Variants in PTPRG observed in about 807,000 individuals in gnomAD.
PTPRG encodes the protein receptor-type tyrosine-protein phosphatase gamma.
Under a neutral mutation model 165.3 loss-of-function variants are expected in PTPRG, and 102 were observed. That is an observed-to-expected ratio of 0.62 (90% CI 0.53 to 0.73). The LOEUF (loss-of-function observed/expected upper bound fraction) is 0.73. Ranked by LOEUF, PTPRG falls within the 30% of genes least tolerant of loss-of-function variation. The pLI is 0.00. For missense variants in PTPRG, 1,866 were observed against 1,861.4 expected (o/e 1.00, Z -0.05); for synonymous variants, 675 against 669.5 (o/e 1.01, Z -0.13).
chr3:61,597,295 T>A (rs1381091490), intron 1 of PTPRG, among the ~76,000 whole-genome samples: 1 of 152,156 alleles, frequency 6.6e-6, no homozygotes, highest in Non-Finnish European at 1.5e-5. Flanking sequence ...CCGCCCTCCA[T>A]ATCTGCTGAG....
At chr3:62,026,496 C>T (rs923102812) in intron 4 of PTPRG, among the ~76,000 whole-genome samples, 7 of 152,130 alleles carry the variant, frequency 4.6e-5, no homozygotes, top group Admixed American at 6.5e-5. Context: ...AACCCAGACA[C>T]GTGTGCCCAG....
intron 2 of PTPRG, among the ~76,000 whole-genome samples, chr3:61,789,049 T>G (rs2034794118): frequency 6.6e-6 from 1 of 152,168 alleles, no homozygotes; most frequent in African/African-American, 2.4e-5. Context: ...CAATCATTAC[T>G]GAGCGCTGGT....
chr3:61,945,560 CAAAAAAAAAAAAAA>C (rs71123242), intron 2 of PTPRG, among the ~76,000 whole-genome samples: 92 of 55,464 alleles, frequency 1.7e-3, no homozygotes, highest in Middle Eastern at 0.016. Context: ...ACTCCGTCAC[CAAAAAAAAAAAAAA>C]AAAAAAAAAA....
chr3:61,989,412 T>A (rs879544751), intron 2 of PTPRG, among the ~76,000 whole-genome samples: 1 of 152,246 alleles, frequency 6.6e-6, no homozygotes, highest in Non-Finnish European at 1.5e-5. Flanking sequence ...AAATGTTTGA[T>A]TGTAAATCAA....
chr3:61,933,406 C>T (rs1198150159), intron 2 of PTPRG, among the ~76,000 whole-genome samples: 1 of 152,086 alleles, frequency 6.6e-6, no homozygotes, highest in Non-Finnish European at 1.5e-5. Flanking sequence ...AATAACAAAC[C>T]ACTGTAAGAC....
chr3:61,728,091 C>T (rs995343094), intron 1 of PTPRG, among the ~76,000 whole-genome samples: 1 of 152,152 alleles, frequency 6.6e-6, no homozygotes, highest in Non-Finnish European at 1.5e-5. Flanking sequence ...GCATTTATGC[C>T]TCTCAAATTT....
intron 4 of PTPRG, among the ~76,000 whole-genome samples, chr3:62,051,156 C>T (rs1700457066): frequency 6.6e-6 from 1 of 152,170 alleles, no homozygotes; most frequent in Admixed American, 6.5e-5. Context: ...TGCCATTCTT[C>T]CCACTGGGAC....
intron 2 of PTPRG, among the ~76,000 whole-genome samples, chr3:61,932,180 A>G (rs1456317420): frequency 1.3e-5 from 2 of 152,328 alleles, no homozygotes; most frequent in East Asian, 1.9e-4. Flanking sequence ...TGTGGGACCA[A>G]CTAGCTCCTT....
At chr3:62,007,560 T>G (rs2041326444) in intron 4 of PTPRG, among the ~76,000 whole-genome samples, 1 of 152,238 alleles carries the variant, frequency 6.6e-6, no homozygotes, top group African/African-American at 2.4e-5. Flanking sequence ...CAGCACATTT[T>G]TCTTGAGTAT....
intron 5 of PTPRG, among the ~76,000 whole-genome samples, chr3:62,091,615 A>C (rs1466135851): frequency 6.6e-6 from 1 of 152,152 alleles, no homozygotes; most frequent in African/African-American, 2.4e-5. Context: ...GGGATCCTTT[A>C]TGTGGCCCTA....
Position 61,761,705 on chromosome 3 carries a change from C to T in PTPRG, c.190+12723C>T, listed in dbSNP as rs530119133. 1.2e-3 allele frequency among the ~76,000 whole-genome samples: 189 copies of T among 152,310 alleles called. 5 individuals carry two copies. The South Asian group carries it at 0.036, about 29-fold the overall frequency. On this transcript the variant is annotated intron_variant, in intron 2 of 29. Coordinates refer to ENST00000474889, the MANE Select transcript of PTPRG (RefSeq NM_002841.4). ...AGTTGATCTTGAGAGTTTCCTTGGA[C>T]ACGGGAAGCCACTTAATCCAGATTT...
chr3:62,088,127 A>C (rs973310004), intron 5 of PTPRG, among the ~76,000 whole-genome samples: 1 of 152,216 alleles, frequency 6.6e-6, no homozygotes, highest in Non-Finnish European at 1.5e-5. Flanking sequence ...GTTTTGCCCC[A>C]CAGGCAATGT....
At chr3:61,563,796 C>T (rs143527394) in intron 1 of PTPRG, among the ~76,000 whole-genome samples, 1,320 of 124,040 alleles carry the variant, frequency 0.011, 11 homozygotes, top group Non-Finnish European at 0.015. Flanking sequence ...CGCGGGAGCC[C>T]TCGTCGCCCT....
chr3:61,949,271 AAT>A (rs2039839525), intron 2 of PTPRG, among the ~76,000 whole-genome samples: 1 of 152,224 alleles, frequency 6.6e-6, no homozygotes, highest in South Asian at 2.1e-4. Context: ...CAGATGGAAA[AAT>A]AAAAATAATG....
chr3:61,794,152 T>G (rs1416060993), intron 2 of PTPRG, among the ~76,000 whole-genome samples: 1 of 152,194 alleles, frequency 6.6e-6, no homozygotes, highest in East Asian at 1.9e-4. Flanking sequence ...ATTCTGTCTT[T>G]CCCATTACTT....
At chr3:62,030,851 G>A (rs1441361903) in intron 4 of PTPRG, among the ~76,000 whole-genome samples, 2 of 152,152 alleles carry the variant, frequency 1.3e-5, no homozygotes, top group Non-Finnish European at 2.9e-5. Context: ...CTCTGGAATG[G>A]GGCAGGAACT....
intron 7 of PTPRG, among the ~76,000 whole-genome samples, chr3:62,160,794 G>A (rs965926841): frequency 2.0e-5 from 3 of 150,850 alleles, no homozygotes; most frequent in Admixed American, 6.6e-5. Flanking sequence ...TTAAGTGCTT[G>A]TAGGGGGTGC....
At chr3:62,077,264 T>A (rs1685349014) in intron 4 of PTPRG, among the ~76,000 whole-genome samples, 1 of 149,766 alleles carries the variant, frequency 6.7e-6, no homozygotes, top group Non-Finnish European at 1.5e-5. Context: ...GAGAGTGAGT[T>A]TGTTTGTTTG....
At chr3:61,688,334 C>T (rs888310622) in intron 1 of PTPRG, among the ~76,000 whole-genome samples, 3 of 152,220 alleles carry the variant, frequency 2.0e-5, no homozygotes, top group East Asian at 1.9e-4. Context: ...CAGCTCCCCA[C>T]GGGCCAGCCT....
Sources: gnomAD v4.1 joint callset for allele counts (sites outside exome capture counted in the v4.1 genomes callset) on GRCh38, gnomAD v4.1.1 for gene constraint, MANE v1.5 for transcripts, NCBI Gene and HGNC (gene_info 2026-07-23, HGNC 2026-07-21) for gene names.